The following TMEM156 variants were observed in gnomAD, a reference collection of about 807,000 sequenced individuals.
TMEM156 encodes the protein transmembrane protein 156.
TMEM156 carries 28 observed loss-of-function variants against 30.5 expected under a neutral mutation model. The ratio of observed to expected loss-of-function variants is 0.92; its 90% confidence interval spans 0.68 to 1.26. The LOEUF is 1.26. Ranked by LOEUF, TMEM156 falls within the 50% of genes most tolerant of loss-of-function variation. The pLI, the probability that TMEM156 is intolerant of heterozygous loss-of-function variation, is 0.00. For synonymous variants in TMEM156, 137 were observed against 119.9 expected (o/e 1.14, Z -0.93); for missense variants, 351 against 340.6 (o/e 1.03, Z -0.24).
At chr4:38,985,517 G>A (rs1161671172) in intron 5 of TMEM156, among the ~76,000 whole-genome samples, 2 of 152,190 alleles carry the variant, frequency 1.3e-5, no homozygotes, top group Non-Finnish European at 2.9e-5. Flanking sequence ...TGATGCAGCT[G>A]TAGGGTGGGG....
At chr4:38,971,355 G>A (rs1722588743) in intron 5 of TMEM156, among the ~76,000 whole-genome samples, 1 of 152,150 alleles carries the variant, frequency 6.6e-6, no homozygotes, top group Admixed American at 6.5e-5. Flanking sequence ...AATACCTGAA[G>A]CATAGTTAAG....
intron 1 of TMEM156, among the ~76,000 whole-genome samples, chr4:39,023,567 G>T (rs1031529488): frequency 6.6e-6 from 1 of 152,204 alleles, no homozygotes; most frequent in Non-Finnish European, 1.5e-5. Context: ...ACCAGGCCAG[G>T]CATGGTGGCT....
At chr4:39,017,907 A>G (rs1714605854) in intron 1 of TMEM156, among the ~76,000 whole-genome samples, 1 of 152,072 alleles carries the variant, frequency 6.6e-6, no homozygotes, top group South Asian at 2.1e-4. Context: ...TAAATGGCAT[A>G]TTTCCGGAAA....
intron 5 of TMEM156, among the ~76,000 whole-genome samples, chr4:38,984,489 A>C (rs1711823270): frequency 6.6e-6 from 1 of 151,624 alleles, no homozygotes; most frequent in African/African-American, 2.4e-5. Context: ...CACAGTCACC[A>C]CCGCTTTGAA....
At chr4:39,014,866 T>A (rs867935930) in intron 1 of TMEM156, among the ~76,000 whole-genome samples, 1 of 152,060 alleles carries the variant, frequency 6.6e-6, no homozygotes, top group Non-Finnish European at 1.5e-5. Flanking sequence ...TTGAAAAAAA[T>A]TACATAAAAT....
chr4:39,026,054 GTGA>G (rs1317284059), intron 1 of TMEM156, among the ~76,000 whole-genome samples: 1 of 152,138 alleles, frequency 6.6e-6, no homozygotes, highest in Non-Finnish European at 1.5e-5. Flanking sequence ...AAACACATCA[GTGA>G]ACAAAGCAGA....
intron 1 of TMEM156, among the ~76,000 whole-genome samples, chr4:39,026,563 A>G (rs1715215643): frequency 6.6e-6 from 1 of 152,126 alleles, no homozygotes; most frequent in Admixed American, 6.6e-5. Flanking sequence ...AGTGCCTAAA[A>G]TATATATATG....
intron 1 of TMEM156, among the ~76,000 whole-genome samples, chr4:39,020,611 G>C (rs570302982): frequency 6.6e-6 from 1 of 152,072 alleles, no homozygotes; most frequent in East Asian, 1.9e-4. Context: ...GAGTGAAGTG[G>C]CATGATCTCG....
intron 1 of TMEM156, among the ~76,000 whole-genome samples, chr4:39,008,296 C>T (rs1713882827): frequency 1.3e-5 from 2 of 151,978 alleles, no homozygotes; most frequent in African/African-American, 2.4e-5. Flanking sequence ...CTCTTTTAGT[C>T]CTAGTTTGCT....
chr4:38,993,591 A>G, intron 3 of TMEM156, 147 bp downstream of exon 3: 2 of 718,460 alleles, frequency 2.8e-6, no homozygotes, highest in Non-Finnish European at 4.5e-6. Context: ...ATAAACAGAT[A>G]AATAGACTAA....
At chr4:39,017,221 C>A (rs1714553284) in intron 1 of TMEM156, among the ~76,000 whole-genome samples, 1 of 134,930 alleles carries the variant, frequency 7.4e-6, no homozygotes, top group African/African-American at 2.8e-5. Flanking sequence ...GTCTCCCAGG[C>A]TGGAGTTCAG....
chr4:38,989,893 G>A (rs752719620), intron 3 of TMEM156, among the ~76,000 whole-genome samples: 26 of 152,036 alleles, frequency 1.7e-4, no homozygotes, highest in Non-Finnish European at 7.4e-5. Context: ...TCCACTTCCC[G>A]GGTTCAAGCG....
intron 1 of TMEM156, among the ~76,000 whole-genome samples, chr4:39,001,466 CAT>C (rs1042230835): frequency 2.0e-5 from 3 of 149,768 alleles, no homozygotes; most frequent in African/African-American, 7.3e-5. Flanking sequence ...CACCATTTCT[CAT>C]ATAATCATTT....
intron 5 of TMEM156, among the ~76,000 whole-genome samples, chr4:38,979,718 T>C (rs146014324): frequency 2.7e-4 from 41 of 152,324 alleles, no homozygotes; most frequent in African/African-American, 9.6e-4. Flanking sequence ...ATCCATGAAG[T>C]ATTTGGGTTT....
chr4:38,977,869 C>G (rs573589836), intron 5 of TMEM156, among the ~76,000 whole-genome samples: 11 of 152,300 alleles, frequency 7.2e-5, no homozygotes, highest in African/African-American at 2.6e-4. Flanking sequence ...TCAAATAAAG[C>G]CCCTATCACA....
At chr4:38,986,850 A>C (rs1432265041) in intron 4 of TMEM156, among the ~76,000 whole-genome samples, 1 of 134,488 alleles carries the variant, frequency 7.4e-6, no homozygotes, top group Non-Finnish European at 1.6e-5. Flanking sequence ...AAAAAAAAAA[A>C]AGGAAAGCGA....
At chr4:38,968,939 TTGGTCAATGGGGG>T (rs1722469277) in intron 6 of TMEM156, among the ~76,000 whole-genome samples, 1 of 152,134 alleles carries the variant, frequency 6.6e-6, no homozygotes, top group African/African-American at 2.4e-5. Flanking sequence ...CTGGCTGGGT[TTGGTCAATGGGGG>T]AGTACTAGCA....
At chr4:38,987,996 C>T (rs183709435) in intron 4 of TMEM156, among the ~76,000 whole-genome samples, 1 of 152,150 alleles carries the variant, frequency 6.6e-6, no homozygotes, top group African/African-American at 2.4e-5. Context: ...CATGGGTACA[C>T]ACCGGTAGCA....
chr4:39,005,939 A>G (rs879700654), intron 1 of TMEM156, among the ~76,000 whole-genome samples: 12 of 152,192 alleles, frequency 7.9e-5, no homozygotes, highest in Non-Finnish European at 1.5e-4. Context: ...CTCTGTTGCC[A>G]GGCTGGAGTG....
Sources: allele counts gnomAD v4.1 joint callset (sites outside exome capture counted in the v4.1 genomes callset), GRCh38; gene constraint gnomAD v4.1.1; transcripts MANE v1.5; gene names NCBI Gene and HGNC (gene_info 2026-07-23, HGNC 2026-07-21).